SSX5: variants seen among roughly 807,000 people sequenced by gnomAD.
SSX5 encodes protein SSX5.
In SSX5, 14 loss-of-function variants were observed where a neutral mutation model predicts 14.9. That is an observed-to-expected ratio of 0.94 (90% confidence interval 0.62 to 1.47). SSX5 has a LOEUF of 1.47. Ranked by LOEUF, SSX5 falls within the 40% of genes most tolerant of loss-of-function variation. The pLI is 0.00. For missense variants in SSX5, 204 were observed against 154.6 expected, an observed-to-expected ratio of 1.32 and a Z score of -1.70; for synonymous variants, 70 against 55.4, an observed-to-expected ratio of 1.26 and a Z score of -1.17.
At chrX:48,193,529 C>T (rs2059428105) in intron 4 of SSX5, among the ~76,000 whole-genome samples, 1 of 110,683 alleles carries the variant, frequency 9.0e-6, no homozygotes, top group Non-Finnish European at 1.9e-5. Flanking sequence ...GGGTGGATCA[C>T]CTGAGGTCAG....
Position 48,187,748 on chromosome X carries a change from T to G in SSX5, c.467-17A>C, listed in dbSNP as rs1324610360. 1.0e-5 allele frequency: 12 copies of G among 1,198,846 alleles called. No individual in the cohort carries two copies. The highest frequency in any genetic ancestry group is 1.4e-5 in the Non-Finnish European group (12 of 887,158). On this transcript the variant is annotated splice_polypyrimidine_tract_variant and intron_variant, in intron 6 of 7. Transcript: ENST00000347757. ...TTTTGGGTCCTATGATGGAGAAGAGTTGGAAGATGAGGGTTGGGTAGATTG... is the reference window on the plus strand; with the variant it reads ...TTTTGGGTCCTATGATGGAGAAGAGGTGGAAGATGAGGGTTGGGTAGATTG...
chrX:48,186,733 C>A lies in SSX5; in HGVS notation c.*128G>T, dbSNP rs1262085132. 1 of 1,147,793 alleles carries A rather than the reference C, an allele frequency of 8.7e-7. No individual in the cohort carries two copies. Among genetic ancestry groups the A allele is most frequent in the Non-Finnish European group, 1.2e-6 (1 of 851,441 alleles). 94.6% of individuals were successfully genotyped at this position (1,147,793 alleles called of 1,213,427 possible). On this transcript the variant is annotated 3_prime_UTR_variant, in exon 8 of 8. Transcript: ENST00000347757. Reference sequence around the variant, plus strand: ...AAGAAAAATGACGCTCAACTTTTCACTGTTGTGAACACTTGCTTTCACTTG... The same window carrying A: ...AAGAAAAATGACGCTCAACTTTTCAATGTTGTGAACACTTGCTTTCACTTG...
chrX:48,193,853 G>T (rs1171552092), intron 4 of SSX5, among the ~76,000 whole-genome samples: 3 of 74,577 alleles, frequency 4.0e-5, no homozygotes, highest in Non-Finnish European at 7.0e-5. Context: ...TCCACTTACA[G>T]CCAGTCACCT....
At chrX:48,192,371 G>C in intron 4 of SSX5, 90 bp from the exon 5 acceptor site, 1 of 1,123,137 alleles carries the variant, frequency 8.9e-7, no homozygotes, top group Non-Finnish European at 1.2e-6. Flanking sequence ...TTCTGCAGCA[G>C]AGGTTATGAG....
At chrX:48,192,118 G>A (rs1425721461) in intron 5 of SSX5, 114 bp downstream of exon 5, 12 of 1,122,385 alleles carry the variant, frequency 1.1e-5, no homozygotes, top group Admixed American at 6.6e-5. Context: ...TGTTGTGATA[G>A]ACATAGGGAG....
At chrX:48,194,294 G>A in intron 3 of SSX5, 70 bp from the exon 4 acceptor site, 1 of 1,089,704 alleles carries the variant, frequency 9.2e-7, no homozygotes, top group Non-Finnish European at 1.3e-6. Flanking sequence ...CATGTCTGTA[G>A]TAGCAGCTCT....
At chrX:48,193,593 T>TA (rs2059428296) in intron 4 of SSX5, among the ~76,000 whole-genome samples, 1 of 110,026 alleles carries the variant, frequency 9.1e-6, no homozygotes, top group African/African-American at 3.3e-5. Context: ...TACCAAAAAT[T>TA]AAAAAATTAG....
At chrX:48,194,432 G>A (rs186945689) in intron 3 of SSX5, among the ~76,000 whole-genome samples, 2,241 of 108,407 alleles carry the variant, frequency 0.021, 41 homozygotes, top group Middle Eastern at 0.065. Flanking sequence ...AAAAGAAAGA[G>A]ACAAGCCGAG....
chrX:48,190,082 G>T (rs1461313169), intron 6 of SSX5, 51 bp downstream of exon 6: 1 of 1,198,823 alleles, frequency 8.3e-7, no homozygotes, highest in Non-Finnish European at 1.1e-6. Context: ...CCACACACCT[G>T]AACTTAGCGA....
In SSX5 at chrX:48,186,849, C is replaced by G; in HGVS notation, c.*12G>C. 1 of 1,198,028 alleles carries G rather than the reference C, an allele frequency of 8.3e-7. No individual in the cohort carries two copies. ...TTCTCATCATGGGCATGTGTCATAT[C>G]CCCGAGGCTGAGGCAAGAAGCGAGA... is the stretch of plus-strand genomic sequence containing the variant. On this transcript the variant is annotated 3_prime_UTR_variant, in exon 8 of 8. Transcript: ENST00000347757.
At chrX:48,193,997 T>G in intron 4 of SSX5, 132 bp downstream of exon 4, 1 of 761,694 alleles carries the variant, frequency 1.3e-6, no homozygotes, top group South Asian at 2.5e-5. Context: ...ACTTTCTGCA[T>G]GCAATTTTTT....
intron 5 of SSX5, 88 bp downstream of exon 5, chrX:48,192,144 G>A (rs2059422390): frequency 8.5e-7 from 1 of 1,179,172 alleles, no homozygotes; most frequent in African/African-American, 1.8e-5. Flanking sequence ...GGCAGTGAGG[G>A]CATTGTTGAT....
intron 2 of SSX5, 125 bp downstream of exon 2, chrX:48,195,165 A>G: frequency 8.3e-7 from 1 of 1,211,154 alleles, no homozygotes; most frequent in Non-Finnish European, 1.1e-6. Flanking sequence ...GAGGCTCCCA[A>G]GGTTCCAGAT....
At chrX:48,195,100 T>A in intron 2 of SSX5, 190 bp downstream of exon 2, 1 of 1,211,492 alleles carries the variant, frequency 8.3e-7, no homozygotes, top group East Asian at 3.0e-5. Context: ...CCAAATGTAT[T>A]CCACGGTCAC....
At chrX:48,195,472 G>T in intron 1 of SSX5, 94 bp from the exon 2 acceptor site, 1 of 887,246 alleles carries the variant, frequency 1.1e-6, no homozygotes, top group Non-Finnish European at 1.6e-6. Context: ...CAGTCACCTG[G>T]AATCAGGAGT....
intron 6 of SSX5, among the ~76,000 whole-genome samples, chrX:48,189,675 G>T: frequency 8.9e-6 from 1 of 112,288 alleles, no homozygotes; most frequent in East Asian, 2.8e-4. Context: ...AAAAAAATGT[G>T]TGTGACTCAC....
intron 1 of SSX5, among the ~76,000 whole-genome samples, chrX:48,195,881 C>T (rs781818480): frequency 9.0e-6 from 1 of 111,117 alleles, no homozygotes; most frequent in Non-Finnish European, 1.9e-5. Flanking sequence ...CTACTATGAA[C>T]GGATTTAGAA....
At chrX:48,193,026 T>C (rs1210835746) in intron 4 of SSX5, among the ~76,000 whole-genome samples, 2 of 112,183 alleles carry the variant, frequency 1.8e-5, no homozygotes, top group African/African-American at 6.5e-5. Context: ...AAGCTCTCTG[T>C]GTGTTGGATG....
At chrX:48,190,671 TAA>T (rs1556924603) in intron 5 of SSX5, among the ~76,000 whole-genome samples, 1 of 111,311 alleles carries the variant, frequency 9.0e-6, no homozygotes, top group African/African-American at 3.3e-5. Flanking sequence ...AGAGTAAATG[TAA>T]AGACATACAG....
Sources: gnomAD v4.1 joint callset for allele counts (sites outside exome capture counted in the v4.1 genomes callset) on GRCh38, gnomAD v4.1.1 for gene constraint, MANE v1.5 for transcripts, NCBI Gene and HGNC (gene_info 2026-07-23, HGNC 2026-07-21) for gene names.